PDZRN3: variants seen among roughly 807,000 people sequenced by gnomAD.
PDZRN3 encodes E3 ubiquitin-protein ligase PDZRN3.
PDZRN3 carries 38 observed loss-of-function variants against 85.7 expected under a neutral mutation model. The ratio of observed to expected loss-of-function variants is 0.44; its 90% confidence interval spans 0.34 to 0.58. The LOEUF is 0.58. Ranked by LOEUF, PDZRN3 falls within the 20% of genes least tolerant of loss-of-function variation. PDZRN3 has a pLI of 0.01. For missense variants in PDZRN3, 1,629 were observed against 1,506.4 expected (o/e 1.08, Z -1.35); for synonymous variants, 759 against 638.0 (o/e 1.19, Z -2.86).
intron 3 of PDZRN3, among the ~76,000 whole-genome samples, chr3:73,592,511 G>A (rs190005637): frequency 5.3e-5 from 8 of 152,196 alleles, no homozygotes; most frequent in African/African-American, 4.8e-5. Context: ...AATTAGAAGA[G>A]CCTAAAGGGC....
At chr3:73,471,625 C>T (rs113874582) in intron 3 of PDZRN3, among the ~76,000 whole-genome samples, 6 of 152,296 alleles carry the variant, frequency 3.9e-5, no homozygotes, top group African/African-American at 1.4e-4. Flanking sequence ...CAGCTGGGCC[C>T]AGTCAGCCTT....
At chr3:73,457,672 C>A (rs998034005) in intron 3 of PDZRN3, among the ~76,000 whole-genome samples, 1 of 152,024 alleles carries the variant, frequency 6.6e-6, no homozygotes, top group Admixed American at 6.6e-5. Flanking sequence ...CTCCAAAATT[C>A]GTATTTTGAA....
At chr3:73,535,304 C>T (rs1704755721) in intron 3 of PDZRN3, among the ~76,000 whole-genome samples, 1 of 152,204 alleles carries the variant, frequency 6.6e-6, no homozygotes, top group Non-Finnish European at 1.5e-5. Context: ...CAGAGCAATA[C>T]AGTGACAATC....
At chr3:73,596,242 C>T (rs1261937453) in intron 3 of PDZRN3, among the ~76,000 whole-genome samples, 1 of 152,078 alleles carries the variant, frequency 6.6e-6, no homozygotes, top group African/African-American at 2.4e-5. Flanking sequence ...GACAGATAAA[C>T]AGATTAAATA....
At chr3:73,541,945 G>A (rs1249023793) in intron 3 of PDZRN3, among the ~76,000 whole-genome samples, 1 of 152,092 alleles carries the variant, frequency 6.6e-6, no homozygotes, top group African/African-American at 2.4e-5. Flanking sequence ...AAGCTAAAAG[G>A]TAGTATTTGA....
chr3:73,408,810 CTT>C (rs1260366402), intron 3 of PDZRN3, among the ~76,000 whole-genome samples: 1 of 152,096 alleles, frequency 6.6e-6, no homozygotes, highest in Non-Finnish European at 1.5e-5. Context: ...CACTGAGACT[CTT>C]AGCGAGATGA....
chr3:73,573,811 C>CATATACA (rs1702078393), intron 3 of PDZRN3, among the ~76,000 whole-genome samples: 16 of 149,244 alleles, frequency 1.1e-4, no homozygotes, highest in African/African-American at 3.7e-4. Context: ...ACACATACAC[C>CATATACA]TATACATATA....
At chr3:73,606,899 T>C (rs1702608136) in intron 2 of PDZRN3, among the ~76,000 whole-genome samples, 1 of 152,256 alleles carries the variant, frequency 6.6e-6, no homozygotes, top group African/African-American at 2.4e-5. Context: ...TCCCTTCAAC[T>C]GAAGCCATGT....
intron 2 of PDZRN3, among the ~76,000 whole-genome samples, chr3:73,604,262 A>G (rs2106899107): frequency 6.6e-6 from 1 of 152,332 alleles, no homozygotes; most frequent in East Asian, 1.9e-4. Context: ...CCTGAAATAT[A>G]TGTATAAAGC....
chr3:73,386,226 C>CTTTTTTTTTTTT (rs71126867), intron 8 of PDZRN3, among the ~76,000 whole-genome samples: 12,202 of 90,068 alleles, frequency 0.14, 2,916 homozygotes, highest in East Asian at 0.2. Flanking sequence ...CAAGATATCA[C>CTTTTTTTTTTTT]TTTTTTTTTT....
rs532006138 is a variant in PDZRN3, at chr3:73,441,241, C to T, written c.919-36846G>A. 9.9e-5 allele frequency among the ~76,000 whole-genome samples: 15 copies of T among 151,914 alleles called. No homozygotes were observed. In the East Asian group the frequency reaches 2.3e-3, roughly 24 times the overall value. On this transcript the variant is annotated intron_variant, in intron 3 of 9. Transcript: ENST00000263666. ...CATCCTGGCCAACATGGTGAAACCTCGTCTCTACTAAAAATACAAAAATTA... is the reference window on the plus strand; with the variant it reads ...CATCCTGGCCAACATGGTGAAACCTTGTCTCTACTAAAAATACAAAAATTA...
intron 1 of PDZRN3, among the ~76,000 whole-genome samples, chr3:73,612,310 G>A (rs749506684): frequency 6.6e-6 from 1 of 152,178 alleles, no homozygotes; most frequent in Non-Finnish European, 1.5e-5. Flanking sequence ...GTCCACATGT[G>A]ACTCTGGTGC....
At chr3:73,556,093 T>C (rs190009564) in intron 3 of PDZRN3, among the ~76,000 whole-genome samples, 13 of 152,300 alleles carry the variant, frequency 8.5e-5, no homozygotes, top group African/African-American at 2.9e-4. Flanking sequence ...TAACTTTCAA[T>C]ATCTTCATCA....
intron 3 of PDZRN3, among the ~76,000 whole-genome samples, chr3:73,499,302 A>G (rs1703929732): frequency 6.6e-6 from 1 of 152,106 alleles, no homozygotes; most frequent in African/African-American, 2.4e-5. Context: ...GTGATTAGGG[A>G]GCATCCATGA....
chr3:73,530,260 T>A (rs1265435786), intron 3 of PDZRN3, among the ~76,000 whole-genome samples: 5 of 152,218 alleles, frequency 3.3e-5, no homozygotes, highest in Admixed American at 6.5e-5. Context: ...GTTCTTTTAC[T>A]GAGCACAGTG....
chr3:73,451,549 G>A (rs1426358741), intron 3 of PDZRN3, among the ~76,000 whole-genome samples: 1 of 152,138 alleles, frequency 6.6e-6, no homozygotes, highest in Non-Finnish European at 1.5e-5. Flanking sequence ...ATGGTGCAAA[G>A]ATGTGCCAAA....
At chr3:73,529,046 A>G (rs1018477025) in intron 3 of PDZRN3, among the ~76,000 whole-genome samples, 2 of 152,114 alleles carry the variant, frequency 1.3e-5, no homozygotes, top group Non-Finnish European at 2.9e-5. Flanking sequence ...ACTTACAGAT[A>G]TTTCAGGGGT....
chr3:73,388,930 C>CAAAAAAAAAAAAAAAAA (rs10675308), intron 7 of PDZRN3, among the ~76,000 whole-genome samples: 1 of 67,670 alleles, frequency 1.5e-5, no homozygotes, highest in Admixed American at 2.2e-4. Context: ...CTCCAGCAAT[C>CAAAAAAAAAAAAAAAAA]AAAAAAAAAA....
At chr3:73,448,462 T>C (rs568423320) in intron 3 of PDZRN3, among the ~76,000 whole-genome samples, 1 of 152,326 alleles carries the variant, frequency 6.6e-6, no homozygotes, top group East Asian at 1.9e-4. Flanking sequence ...GCGTCTGGTG[T>C]AATTAAACTT....
Sources: allele counts gnomAD v4.1 joint callset (sites outside exome capture counted in the v4.1 genomes callset), GRCh38; gene constraint gnomAD v4.1.1; transcripts MANE v1.5; gene names NCBI Gene and HGNC (gene_info 2026-07-23, HGNC 2026-07-21).